PRUNE1: variants seen among roughly 807,000 people sequenced by gnomAD.
The protein encoded by PRUNE1 is prune exopolyphosphatase 1.
PRUNE1 carries 25 observed loss-of-function variants against 42.5 expected under a neutral mutation model. The observed-to-expected ratio is 0.59, with a 90% confidence interval of 0.43 to 0.82. The LOEUF is 0.82. Ranked by LOEUF, PRUNE1 falls within the 40% of genes least tolerant of loss-of-function variation. The probability of loss-of-function intolerance (pLI) is 0.00; values close to 1 mark genes in which losing one functional copy is unlikely to be tolerated. For synonymous variants in PRUNE1, 203 were observed against 217.1 expected (o/e 0.93, Z 0.57); for missense variants, 443 against 539.3 (o/e 0.82, Z 1.77).
At chr1:151,026,285 C>T (rs185972205) in intron 5 of PRUNE1, among the ~76,000 whole-genome samples, 17 of 151,640 alleles carry the variant, frequency 1.1e-4, no homozygotes, top group South Asian at 8.4e-4. Context: ...GGTGAAACTC[C>T]GTTTCTACTA....
chr1:151,009,797 T>G (rs887987480), intron 1 of PRUNE1, among the ~76,000 whole-genome samples: 2 of 152,150 alleles, frequency 1.3e-5, no homozygotes, highest in Non-Finnish European at 2.9e-5. Context: ...AAAAACAAAT[T>G]TGGGGAGTTA....
intron 3 of PRUNE1, among the ~76,000 whole-genome samples, chr1:151,019,876 T>C (rs141394190): frequency 2.7e-5 from 4 of 150,548 alleles, no homozygotes; most frequent in African/African-American, 9.8e-5. Flanking sequence ...CACCCAGGCT[T>C]CAGTGCAGTG....
Position 151,025,669 on chromosome 1 carries a change from A to G in PRUNE1, c.675A>G (p.Val225=). 1 of 1,613,056 alleles carries G rather than the reference A, an allele frequency of 6.2e-7. No homozygotes were observed. Among genetic ancestry groups the G allele is most frequent in the South Asian group, 1.1e-5 (1 of 90,968 alleles). Residue 225 remains valine, a synonymous_variant, in exon 5 of 8, where the codon GTA becomes GTG. Coordinates refer to ENST00000271620, the MANE Select transcript of PRUNE1 (RefSeq NM_021222.3). ...CCCTACAAAAGGCAAAGTTTGATGT[A>G]TCAGGTATGAAATGTTAGCTGACTT... ...FDSLQKAKFD[V]SGLTTEQMLR...
chr1:151,010,635 A>G (rs1354040592), intron 1 of PRUNE1, among the ~76,000 whole-genome samples: 1 of 151,552 alleles, frequency 6.6e-6, no homozygotes, highest in Non-Finnish European at 1.5e-5. Flanking sequence ...TGATGGCAAG[A>G]CATACTGGTA....
At position 151,018,659 on chromosome 1, in the gene PRUNE1, A is replaced by T. The variant is rs773521568; in HGVS notation, c.325A>T (p.Ile109Phe). The part of the protein sequence containing the change: ...QLTLILVDHH[I>F]LSKSDTALEE... ...CACCCTCATCCTTGTCGACCATCAT[A>T]TCTTATCCAAGTAAGCACAAGGAAA... Residue 109 changes from isoleucine to phenylalanine, a missense_variant, in exon 3 of 8, where the codon ATC becomes TTC. Physicochemically the swap from Ile to Phe is conservative, Grantham distance 21 (BLOSUM62 0). Coordinates refer to ENST00000271620, the MANE Select transcript of PRUNE1 (RefSeq NM_021222.3). The T allele has an allele frequency of 2.1e-5, 34 of 1,613,780 alleles. No homozygotes were observed. Among genetic ancestry groups the T allele is most frequent in the Non-Finnish European group, 2.5e-5 (29 of 1,179,798 alleles).
At chr1:151,019,370 C>G (rs887755303) in intron 3 of PRUNE1, among the ~76,000 whole-genome samples, 2 of 151,950 alleles carry the variant, frequency 1.3e-5, no homozygotes, top group Admixed American at 1.3e-4. Context: ...CCCGCCTGAG[C>G]AACATGGCAA....
chr1:151,019,981 G>A (rs376046030), intron 3 of PRUNE1, among the ~76,000 whole-genome samples: 2 of 150,692 alleles, frequency 1.3e-5, no homozygotes, highest in Non-Finnish European at 3.0e-5. Context: ...ACAGGTGCGC[G>A]CCACCATGCC....
chr1:151,012,609 G>C (rs587756475), intron 1 of PRUNE1, among the ~76,000 whole-genome samples: 2 of 152,190 alleles, frequency 1.3e-5, no homozygotes, highest in South Asian at 4.1e-4. Context: ...TGTTCAGGAA[G>C]GCTTCACAGA....
rs761890712 is a variant in PRUNE1 at position 151,031,271 on chromosome 1, A to AG, written c.933+2327_933+2328insG. Among the ~76,000 whole-genome samples the AG allele has an allele frequency of 8.8e-5, 13 of 147,686 alleles. No individual in the cohort carries two copies. The South Asian group carries it at 1.5e-3, about 17-fold the overall frequency. ...AATGGCACTATCTCAGCTCACTGCA[A>AG]CCTCTGCCTCCCGGGTTCAAGCAAT... On this transcript the variant is annotated intron_variant, in intron 7 of 7. Coordinates refer to ENST00000271620, the MANE Select transcript of PRUNE1 (RefSeq NM_021222.3).
In PRUNE1 at chr1:151,027,192, G is replaced by A. The variant is rs762940012; in HGVS notation, c.680-41G>A. 8.1e-6 allele frequency: 12 copies of A among 1,479,456 alleles called. No individual in the cohort carries two copies. In the South Asian group the frequency reaches 1.0e-4, roughly 13 times the overall value. The allele number at this position is 1,479,456 out of a possible 1,614,324, so 91.6% of individuals were successfully genotyped here. On this transcript the variant is annotated intron_variant, in intron 5 of 7. Coordinates refer to ENST00000271620, the MANE Select transcript of PRUNE1 (RefSeq NM_021222.3). The stretch of plus-strand genomic sequence containing the variant: ...TTGCCTTCTTGGTCTTGGGACCCTG[G>A]CCTACCCTGTTTGACCCCTAGTCTC...
chr1:151,010,076 A>G (rs1673666931), intron 1 of PRUNE1, among the ~76,000 whole-genome samples: 1 of 152,078 alleles, frequency 6.6e-6, no homozygotes, highest in African/African-American at 2.4e-5. Context: ...CCCCCAGGTT[A>G]GTAGTATATT....
In PRUNE1 at chr1:151,010,229, C is replaced by T. The variant is rs587772358; in HGVS notation, c.39+1558C>T. 1.4e-4 allele frequency among the ~76,000 whole-genome samples: 21 copies of T among 152,128 alleles called. No individual in the cohort carries two copies. In the South Asian group the frequency reaches 4.4e-3, roughly 32 times the overall value. On this transcript the variant is annotated intron_variant, in intron 1 of 7. Coordinates refer to ENST00000271620, the MANE Select transcript of PRUNE1 (RefSeq NM_021222.3). Reference sequence around the variant, plus strand: ...CTCCCGAAAAAGCTGCGACTATAGGCAGTGCCACCACGCAGGGCTAATTTT... The same window carrying T: ...CTCCCGAAAAAGCTGCGACTATAGGTAGTGCCACCACGCAGGGCTAATTTT...
At chr1:151,028,145 A>T (rs1674995929) in intron 6 of PRUNE1, among the ~76,000 whole-genome samples, 1 of 152,136 alleles carries the variant, frequency 6.6e-6, no homozygotes. Flanking sequence ...TACTCAGCTC[A>T]GATGTCTCTT....
In PRUNE1 at chr1:151,033,756, T is replaced by G. The variant is rs1344558736; in HGVS notation, c.934-50T>G. The G allele has an allele frequency of 5.2e-6, 8 of 1,541,788 alleles. 1 individual carries two copies. In the South Asian group the frequency reaches 8.0e-5, roughly 15 times the overall value. ...AGCCTCTCACTTAGAAGCCCAGCAC[T>G]TTGCTACAGCAAGTTGTGTATCATT... On this transcript the variant is annotated intron_variant, in intron 7 of 7. Transcript: ENST00000271620.
chr1:151,031,459 T>C (rs192127700), intron 7 of PRUNE1, among the ~76,000 whole-genome samples: 283 of 152,244 alleles, frequency 1.9e-3, no homozygotes, highest in African/African-American at 6.6e-3. Context: ...AGTTCTGGAA[T>C]TGCAGGTGTG....
Position 151,024,803 on chromosome 1 carries a change from T to A in PRUNE1, c.520+8T>A. Reference sequence around the variant, plus strand: ...CTGCAGCCCTTCTGCATGGTAAGGGTGGCTTTTGGATTGGGACCTCAGTAG... The same window carrying A: ...CTGCAGCCCTTCTGCATGGTAAGGGAGGCTTTTGGATTGGGACCTCAGTAG... On this transcript the variant is annotated splice_region_variant and intron_variant, in intron 4 of 7. Coordinates refer to ENST00000271620, the MANE Select transcript of PRUNE1 (RefSeq NM_021222.3). The A allele has an allele frequency of 6.2e-7, 1 of 1,604,444 alleles. No homozygotes were observed. Among genetic ancestry groups the A allele is most frequent in the Non-Finnish European group, 8.5e-7 (1 of 1,174,812 alleles).
chr1:151,018,041 C>G (rs1032189390), intron 2 of PRUNE1, 137 bp downstream of exon 2: 1 of 638,926 alleles, frequency 1.6e-6, no homozygotes, highest in African/African-American at 1.8e-5. Flanking sequence ...TCTCATGCCA[C>G]CATCCATAAA....
chr1:151,015,859 C>G (rs1436384725), intron 1 of PRUNE1, among the ~76,000 whole-genome samples: 1 of 151,886 alleles, frequency 6.6e-6, no homozygotes, highest in Non-Finnish European at 1.5e-5. Context: ...ACCAGTCATG[C>G]TGAAATTGAG....
chr1:151,016,908 C>G (rs1394341281), intron 1 of PRUNE1, among the ~76,000 whole-genome samples: 2 of 151,642 alleles, frequency 1.3e-5, no homozygotes. Flanking sequence ...CGCCTGTAAT[C>G]CCAGCACTTT....
Sources: gnomAD v4.1 joint callset for allele counts (sites outside exome capture counted in the v4.1 genomes callset) on GRCh38, gnomAD v4.1.1 for gene constraint, MANE v1.5 for transcripts, NCBI Gene and HGNC (gene_info 2026-07-23, HGNC 2026-07-21) for gene names.